FBN2: variants seen among roughly 807,000 people sequenced by gnomAD.
FBN2 encodes fibrillin 2, also known as fibrillin-2.
A neutral mutation model predicts 355.6 loss-of-function variants in FBN2; 105 were observed. That is an observed-to-expected ratio of 0.30 (90% CI 0.25 to 0.35). The LOEUF (loss-of-function observed/expected upper bound fraction) is 0.35, where lower values mean the gene tolerates loss of function less well. Ranked by LOEUF, FBN2 falls within the 10% of genes least tolerant of loss-of-function variation. The probability of loss-of-function intolerance (pLI) is 1.00; values close to 1 mark genes in which losing one functional copy is unlikely to be tolerated. For synonymous variants in FBN2, 1,350 were observed against 1,301.2 expected (o/e 1.04, Z -0.81); for missense variants, 3,280 against 3,758.7 (o/e 0.87, Z 3.33).
At chr5:128,377,561 AAC>A (rs1479385651) in intron 13 of FBN2, among the ~76,000 whole-genome samples, 189 bp downstream of exon 13, 1 of 151,830 alleles carries the variant, frequency 6.6e-6, no homozygotes. Context: ...AAAAAAAAAA[AAC>A]CAAAAAACAA....
chr5:128,309,093 A>T (rs1258291807), intron 41 of FBN2, among the ~76,000 whole-genome samples, 154 bp downstream of exon 41: 2 of 152,252 alleles, frequency 1.3e-5, no homozygotes, highest in Non-Finnish European at 2.9e-5. Flanking sequence ...AATCCCAAAG[A>T]GGATCACTTG....
intron 33 of FBN2, 97 bp downstream of exon 33, chr5:128,330,476 C>T (rs1365422256): frequency 2.3e-6 from 3 of 1,331,208 alleles, no homozygotes; most frequent in Non-Finnish European, 3.2e-6. Context: ...GAGGTAGTTA[C>T]TTTTGTCTCC....
In FBN2 at chr5:128,373,744, C is replaced by T. The variant is rs751795582; in HGVS notation, c.2095+884G>A. 2.0e-5 allele frequency among the ~76,000 whole-genome samples: 3 copies of T among 152,284 alleles called. No individual in the cohort carries two copies. The South Asian group carries it at 6.2e-4, about 32-fold the overall frequency. ...GGAATATATTGCTGGGGTTCCCAAA[C>T]GCCAGTGACGCTTCTGTTTTGCCTG... On this transcript the variant is annotated intron_variant, in intron 15 of 64. Coordinates refer to ENST00000262464, the MANE Select transcript of FBN2 (RefSeq NM_001999.4).
intron 52 of FBN2, 139 bp from the exon 53 acceptor site, chr5:128,288,696 G>T: frequency 1.0e-6 from 1 of 958,688 alleles, no homozygotes; most frequent in Non-Finnish European, 1.6e-6. Flanking sequence ...TTGGGCCTTG[G>T]CTGGCTGGCA....
At chr5:128,532,206 A>C (rs1377039326) in intron 2 of FBN2, among the ~76,000 whole-genome samples, 1 of 152,164 alleles carries the variant, frequency 6.6e-6, no homozygotes, top group East Asian at 1.9e-4. Context: ...TCCTTCCTAC[A>C]GCCTTTCTCC....
At position 128,289,947 on chromosome 5, in the gene FBN2, A is replaced by C. The variant is rs191065419; in HGVS notation, c.6446T>G (p.Val2149Gly). Reference protein sequence around the residue: ...PCELCPKDDEVAFQDLCPYGH... With the variant: ...PCELCPKDDEGAFQDLCPYGH... ...ATATGGACACAAATCCTGAAATGCA[A>C]CTACAAAGAAAAATACAAATTCTCC... Residue 2149 changes from valine (V) to glycine (G), a missense_variant and splice_region_variant, in exon 51 of 65, where the codon GTT becomes GGT. Around this residue, in one of 6 missense-constraint regions of FBN2, gnomAD observed 2,284 missense variants for 2,749.5 expected, o/e 0.83. Coordinates refer to ENST00000262464, the MANE Select transcript of FBN2 (RefSeq NM_001999.4). The C allele has an allele frequency of 6.3e-6, 10 of 1,585,200 alleles. No homozygotes were observed. In the African/African-American group the frequency reaches 1.3e-4, roughly 21 times the overall value.
intron 5 of FBN2, among the ~76,000 whole-genome samples, chr5:128,507,561 A>C (rs1296371416): frequency 6.6e-6 from 1 of 152,050 alleles, no homozygotes; most frequent in Non-Finnish European, 1.5e-5. Context: ...CCATGGCTGA[A>C]TCCACATGCA....
At chr5:128,374,475 C>A (rs529553817) in intron 15 of FBN2, among the ~76,000 whole-genome samples, 153 bp downstream of exon 15, 1 of 152,328 alleles carries the variant, frequency 6.6e-6, no homozygotes, top group African/African-American at 2.4e-5. Flanking sequence ...TTGTGACTGG[C>A]TTCTTTCACT....
chr5:128,386,636 A>T (rs936690301), intron 11 of FBN2, among the ~76,000 whole-genome samples: 1 of 152,130 alleles, frequency 6.6e-6, no homozygotes, highest in Non-Finnish European at 1.5e-5. Context: ...AATAATGTCG[A>T]TTCTTCCTAT....
chr5:128,358,057 C>T (rs1751549516), intron 19 of FBN2, among the ~76,000 whole-genome samples: 2 of 151,920 alleles, frequency 1.3e-5, no homozygotes, highest in Non-Finnish European at 2.9e-5. Context: ...GATTTGAGTC[C>T]TAAATGAAAT....
chr5:128,525,082 C>T (rs752971562), intron 4 of FBN2, among the ~76,000 whole-genome samples: 9 of 152,150 alleles, frequency 5.9e-5, no homozygotes, highest in Non-Finnish European at 1.2e-4. Flanking sequence ...CTCATACATA[C>T]ATACACACGT....
At chr5:128,330,469 G>A in intron 33 of FBN2, 104 bp downstream of exon 33, 1 of 1,177,840 alleles carries the variant, frequency 8.5e-7, no homozygotes, top group South Asian at 1.3e-5. Context: ...AAAAAAAGAG[G>A]TAGTTACTTT....
chr5:128,320,706 T>G (rs1750345005), intron 34 of FBN2, among the ~76,000 whole-genome samples: 1 of 152,346 alleles, frequency 6.6e-6, no homozygotes, highest in Admixed American at 6.5e-5. Flanking sequence ...AAAGAATCAT[T>G]TAAGATGATG....
At chr5:128,329,949 CAG>C (rs948339472) in intron 33 of FBN2, among the ~76,000 whole-genome samples, 1 of 152,140 alleles carries the variant, frequency 6.6e-6, no homozygotes, top group African/African-American at 2.4e-5. Context: ...AGAAGCCAAA[CAG>C]AAGCTATTAT....
intron 20 of FBN2, among the ~76,000 whole-genome samples, chr5:128,351,857 C>A (rs764264922): frequency 6.6e-6 from 1 of 150,604 alleles, no homozygotes; most frequent in South Asian, 2.1e-4. Flanking sequence ...TGAGCCAGTG[C>A]GCCCCGCCCT....
chr5:128,386,827 T>C (rs1236996816), intron 11 of FBN2, among the ~76,000 whole-genome samples: 1 of 152,190 alleles, frequency 6.6e-6, no homozygotes, highest in Non-Finnish European at 1.5e-5. Flanking sequence ...GATGTGCTGC[T>C]GGATTCAGTT....
chr5:128,333,784 A>T (rs1439381406), intron 31 of FBN2, among the ~76,000 whole-genome samples: 1 of 150,834 alleles, frequency 6.6e-6, no homozygotes, highest in Non-Finnish European at 1.5e-5. Flanking sequence ...TTTCTTGACT[A>T]TAAATAGTAA....
intron 48 of FBN2, among the ~76,000 whole-genome samples, chr5:128,293,578 T>C (rs547714185): frequency 4.7e-4 from 72 of 152,258 alleles, no homozygotes; most frequent in South Asian, 1.7e-3. Flanking sequence ...AAACGAAATA[T>C]TTCTGAAACT....
chr5:128,334,688 G>A, intron 31 of FBN2, 31 bp downstream of exon 31: 1 of 1,613,344 alleles, frequency 6.2e-7, no homozygotes, highest in Non-Finnish European at 8.5e-7. Context: ...CTGAGAAGTT[G>A]AAATACAGAG....
Sources: gnomAD v4.1 joint callset for allele counts (sites outside exome capture counted in the v4.1 genomes callset) on GRCh38, gnomAD v4.1.1 for gene constraint, gnomAD v4.1.1 regional missense constraint, MANE v1.5 for transcripts, NCBI Gene and HGNC (gene_info 2026-07-23, HGNC 2026-07-21) for gene names.